The following REC114 variants were observed in gnomAD, a reference collection of about 807,000 sequenced individuals.
REC114 encodes the protein REC114 meiotic recombination protein, also known as meiotic recombination protein REC114.
In REC114, 27 loss-of-function variants were observed where a neutral mutation model predicts 31.3. That is an observed-to-expected ratio of 0.86 (90% CI 0.64 to 1.19). The LOEUF is 1.19. Among genes scored for constraint, REC114 ranks in the 50% most tolerant of loss-of-function variants. REC114 has a pLI of 0.00. For missense variants in REC114, 344 were observed against 326.9 expected (o/e 1.05, Z -0.40); for synonymous variants, 134 against 127.7 (o/e 1.05, Z -0.33).
intron 2 of REC114, among the ~76,000 whole-genome samples, chr15:73,488,649 ATAT>A (rs1479479426): frequency 6.6e-6 from 1 of 152,098 alleles, no homozygotes; most frequent in Non-Finnish European, 1.5e-5. Flanking sequence ...TTCTAATAAG[ATAT>A]TATTTATTTT....
intron 2 of REC114, among the ~76,000 whole-genome samples, chr15:73,507,585 T>G (rs2141312350): frequency 6.6e-6 from 1 of 152,268 alleles, no homozygotes; most frequent in South Asian, 2.1e-4. Flanking sequence ...AAAATATTTT[T>G]TACCTTTTGA....
chr15:73,520,909 A>G (rs934870626), intron 2 of REC114, among the ~76,000 whole-genome samples: 1 of 152,088 alleles, frequency 6.6e-6, no homozygotes, highest in African/African-American at 2.4e-5. Context: ...AGACATGCCT[A>G]TTGAATGTCA....
At position 73,516,474 on chromosome 15, in the gene REC114, G is replaced by C. The variant is rs554616044; in HGVS notation, c.250-24011G>C. On this transcript the variant is annotated intron_variant, in intron 2 of 5. Coordinates refer to ENST00000331090, the MANE Select transcript of REC114 (RefSeq NM_001042367.2). ...ATGGTAAAAATCAAAGCCAAGGTAT[G>C]GAAAGATCTCCCAAGGAGATAAGAT... Among the ~76,000 whole-genome samples, 3 of 152,052 alleles carry C rather than the reference G, an allele frequency of 2.0e-5. No individual in the cohort carries two copies. The East Asian group carries it at 5.8e-4, about 29-fold the overall frequency.
intron 3 of REC114, 81 bp downstream of exon 3, chr15:73,540,649 A>G: frequency 8.6e-7 from 1 of 1,163,138 alleles, no homozygotes; most frequent in East Asian, 2.3e-5. Context: ...ATCTCTTGGT[A>G]GGTGACGGGT....
At chr15:73,521,987 T>C (rs891522984) in intron 2 of REC114, among the ~76,000 whole-genome samples, 1 of 152,200 alleles carries the variant, frequency 6.6e-6, no homozygotes, top group African/African-American at 2.4e-5. Flanking sequence ...GAATTGGGTT[T>C]CTTTAAAGTA....
intron 5 of REC114, 91 bp from the exon 6 acceptor site, chr15:73,559,661 A>G (rs1025496830): frequency 1.3e-5 from 16 of 1,242,436 alleles, no homozygotes; most frequent in Non-Finnish European, 1.6e-5. Context: ...TATTTCGCTA[A>G]TCTTTCCTTA....
intron 5 of REC114, among the ~76,000 whole-genome samples, chr15:73,557,414 TAAAAAAAA>T (rs767116205): frequency 8.8e-5 from 10 of 113,190 alleles, no homozygotes; most frequent in African/African-American, 2.6e-4. Context: ...ATCAGTAGTT[TAAAAAAAA>T]AAAAAAAAAA....
At chr15:73,449,525 G>T (rs1017148406) in intron 1 of REC114, among the ~76,000 whole-genome samples, 1 of 152,176 alleles carries the variant, frequency 6.6e-6, no homozygotes. Context: ...TATGATTGGT[G>T]TACCTGAAAG....
intron 1 of REC114, among the ~76,000 whole-genome samples, chr15:73,462,884 C>CAAAAAAA (rs769569268): frequency 4.1e-4 from 23 of 55,648 alleles, no homozygotes; most frequent in African/African-American, 1.3e-3. Context: ...GACTCCGTCT[C>CAAAAAAA]AAAAAAAAAA....
At chr15:73,465,989 C>T (rs918105896) in intron 1 of REC114, among the ~76,000 whole-genome samples, 1 of 151,914 alleles carries the variant, frequency 6.6e-6, no homozygotes, top group African/African-American at 2.4e-5. Flanking sequence ...GTAGCTGGGA[C>T]TACAGGTGCA....
At chr15:73,478,567 C>T (rs1057479400) in intron 2 of REC114, among the ~76,000 whole-genome samples, 1 of 152,094 alleles carries the variant, frequency 6.6e-6, no homozygotes, top group African/African-American at 2.4e-5. Flanking sequence ...TATTATAGGT[C>T]ATTTGCATTT....
Position 73,559,996 on chromosome 15 carries a change from T to C in REC114, c.*80T>C. The C allele has an allele frequency of 7.6e-7, 1 of 1,323,614 alleles. No homozygotes were observed. 82.0% of individuals were successfully genotyped at this position (1,323,614 alleles called of 1,614,324 possible). A position where few individuals can be genotyped will look rare whatever the true frequency, so the allele number is the denominator to read the frequency against. On this transcript the variant is annotated 3_prime_UTR_variant, in exon 6 of 6. Coordinates refer to ENST00000331090, the MANE Select transcript of REC114 (RefSeq NM_001042367.2). ...CCTAAAATTAAAGAAGATATTAGAATAAAGAGTATTATCCAAACACCTTTT... is the reference window on the plus strand; with the variant it reads ...CCTAAAATTAAAGAAGATATTAGAACAAAGAGTATTATCCAAACACCTTTT...
rs143220355 is a variant in REC114 at position 73,497,153 on chromosome 15, A to G, written c.249+23232A>G. Among the ~76,000 whole-genome samples, 355 of 152,272 alleles carry G rather than the reference A, an allele frequency of 2.3e-3. 1 individual carries two copies. Among genetic ancestry groups the G allele is most frequent in the Middle Eastern group, 6.8e-3 (2 of 294 alleles). ...CCTTTTCCCTTTGTAATTAACAACT[A>G]TGTTGCCAGAAGATATTTTGAAGTA... is the stretch of plus-strand genomic sequence containing the variant. On this transcript the variant is annotated intron_variant, in intron 2 of 5. Coordinates refer to ENST00000331090, the MANE Select transcript of REC114 (RefSeq NM_001042367.2).
chr15:73,519,039 C>T (rs970882322), intron 2 of REC114, among the ~76,000 whole-genome samples: 2 of 152,154 alleles, frequency 1.3e-5, no homozygotes, highest in African/African-American at 4.8e-5. Context: ...GAATTATCAC[C>T]TCACACCCAT....
intron 1 of REC114, among the ~76,000 whole-genome samples, chr15:73,453,841 C>A (rs1461960584): frequency 6.6e-6 from 1 of 151,984 alleles, no homozygotes; most frequent in African/African-American, 2.4e-5. Context: ...AAGCTGGAAA[C>A]CATCATTCTC....
At chr15:73,494,004 A>G (rs73442102) in intron 2 of REC114, among the ~76,000 whole-genome samples, 11,418 of 152,034 alleles carry the variant, frequency 0.075, 749 homozygotes, top group African/African-American at 0.18. Flanking sequence ...CCTCTTGGTA[A>G]TGGTGTTTCT....
chr15:73,556,722 A>G (rs1255380277), intron 5 of REC114, among the ~76,000 whole-genome samples: 1 of 152,180 alleles, frequency 6.6e-6, no homozygotes, highest in Non-Finnish European at 1.5e-5. Flanking sequence ...ACTCCATTGT[A>G]ATTATGGAAA....
chr15:73,547,521 T>G (rs1894326840), intron 3 of REC114, among the ~76,000 whole-genome samples: 1 of 152,182 alleles, frequency 6.6e-6, no homozygotes, highest in South Asian at 2.1e-4. Flanking sequence ...AGCTACCATA[T>G]GATCCAGCAA....
chr15:73,476,140 A>G (rs574671077), intron 2 of REC114, among the ~76,000 whole-genome samples: 1 of 152,296 alleles, frequency 6.6e-6, no homozygotes, highest in East Asian at 1.9e-4. Flanking sequence ...CTAATGACAC[A>G]TTTCTTAGAA....
Sources: allele counts gnomAD v4.1 joint callset (sites outside exome capture counted in the v4.1 genomes callset), GRCh38; gene constraint gnomAD v4.1.1; transcripts MANE v1.5; gene names NCBI Gene and HGNC (gene_info 2026-07-23, HGNC 2026-07-21).